PDE4D: variants seen among roughly 807,000 people sequenced by gnomAD.
PDE4D encodes phosphodiesterase 4D.
In PDE4D, 24 loss-of-function variants were observed where a neutral mutation model predicts 87.4. That is an observed-to-expected ratio of 0.27 (90% CI 0.20 to 0.39). The LOEUF (loss-of-function observed/expected upper bound fraction) is 0.39. Among genes scored for constraint, PDE4D ranks in the 10% least tolerant of loss-of-function variants. The pLI is 1.00. For missense variants in PDE4D, 714 were observed against 1,041.0 expected (o/e 0.69, Z 4.32); for synonymous variants, 384 against 383.2 (o/e 1.00, Z -0.02).
chr5:59,029,330 C>T (rs950282257), intron 6 of PDE4D, among the ~76,000 whole-genome samples: 11 of 141,018 alleles, frequency 7.8e-5, no homozygotes, highest in Admixed American at 3.8e-4. Context: ...GGCAGGAGAA[C>T]GGCGTGAACC....
At chr5:59,914,090 A>T (rs1044326325) in intron 3 of PDE4D, among the ~76,000 whole-genome samples, 3 of 152,220 alleles carry the variant, frequency 2.0e-5, no homozygotes, top group Non-Finnish European at 2.9e-5. Flanking sequence ...ACTTGTGCAA[A>T]CAGCTGTTAA....
At chr5:59,550,328 A>G (rs1817909540) in intron 1 of PDE4D, among the ~76,000 whole-genome samples, 1 of 152,136 alleles carries the variant, frequency 6.6e-6, no homozygotes, top group Admixed American at 6.5e-5. Context: ...GTTTTCCACT[A>G]TAATAAACAT....
chr5:60,273,862 T>A (rs575315135), intron 1 of PDE4D, among the ~76,000 whole-genome samples: 1 of 151,946 alleles, frequency 6.6e-6, no homozygotes, highest in South Asian at 2.1e-4. Context: ...AAAAAAAAAA[T>A]GTCCACTCAG....
chr5:59,600,504 T>C (rs1241637874), intron 1 of PDE4D, among the ~76,000 whole-genome samples: 2 of 152,192 alleles, frequency 1.3e-5, no homozygotes, highest in Non-Finnish European at 2.9e-5. Context: ...ATTCATGTTA[T>C]AAGACAGTAC....
At chr5:59,804,534 T>G (rs1232106563) in intron 1 of PDE4D, among the ~76,000 whole-genome samples, 1 of 149,308 alleles carries the variant, frequency 6.7e-6, no homozygotes, top group Non-Finnish European at 1.5e-5. Context: ...TACCCAGTAG[T>G]GGGTTAAACC....
At chr5:59,015,263 A>G (rs1037972047) in intron 6 of PDE4D, among the ~76,000 whole-genome samples, 1 of 152,002 alleles carries the variant, frequency 6.6e-6, no homozygotes, top group African/African-American at 2.4e-5. Flanking sequence ...AAGAGCCAAA[A>G]TTGACAAATG....
chr5:59,204,953 C>G (rs1748415946), intron 2 of PDE4D, among the ~76,000 whole-genome samples: 1 of 152,224 alleles, frequency 6.6e-6, no homozygotes, highest in Non-Finnish European at 1.5e-5. Flanking sequence ...CTACTAGGCA[C>G]CAGACACGGT....
chr5:59,721,777 T>C (rs111645050), intron 1 of PDE4D, among the ~76,000 whole-genome samples: 183 of 152,262 alleles, frequency 1.2e-3, no homozygotes, highest in African/African-American at 4.2e-3. Context: ...TATAAAGCAA[T>C]CCAAATTATT....
At chr5:60,373,405 G>T (rs532115234) in intron 1 of PDE4D, among the ~76,000 whole-genome samples, 1 of 152,094 alleles carries the variant, frequency 6.6e-6, no homozygotes, top group Non-Finnish European at 1.5e-5. Flanking sequence ...TTTACTCTAC[G>T]TGTATAGACC....
intron 3 of PDE4D, among the ~76,000 whole-genome samples, chr5:59,976,533 C>T (rs28427174): frequency 0.34 from 51,696 of 152,014 alleles, 10,931 homozygotes; most frequent in East Asian, 0.73. Flanking sequence ...TAAAAGCTTC[C>T]TGAAGCCTCA....
chr5:60,398,370 C>A lies in PDE4D; in HGVS notation c.-90+89572G>T, dbSNP rs374157943. ...CGGATCTGTTACTAGTTGGACAGAC[C>A]AACAGGCTTCTACCTTGGCCTGGTC... is the stretch of plus-strand genomic sequence containing the variant. On this transcript the variant is annotated intron_variant, in intron 1 of 16. Transcript: ENST00000502484. Among the ~76,000 whole-genome samples the A allele has an allele frequency of 3.3e-5, 5 of 152,146 alleles. No homozygotes were observed. The East Asian group carries it at 9.6e-4, about 29-fold the overall frequency.
intron 3 of PDE4D, among the ~76,000 whole-genome samples, chr5:59,973,046 G>C (rs993903279): frequency 3.9e-5 from 6 of 152,002 alleles, no homozygotes; most frequent in Admixed American, 6.6e-5. Flanking sequence ...TCCCACCATA[G>C]TTGCCAAAAC....
intron 5 of PDE4D, among the ~76,000 whole-genome samples, chr5:59,072,978 G>A (rs1765097101): frequency 6.6e-6 from 1 of 151,928 alleles, no homozygotes; most frequent in South Asian, 2.1e-4. Flanking sequence ...TGGAACAGAT[G>A]GAATGAAACT....
chr5:59,888,183 G>T (rs1012102829), intron 1 of PDE4D, among the ~76,000 whole-genome samples: 4 of 152,176 alleles, frequency 2.6e-5, no homozygotes, highest in Admixed American at 2.6e-4. Flanking sequence ...TGCTCCACAT[G>T]TGGGCAACTG....
At chr5:59,241,081 AT>A (rs1020862344) in intron 1 of PDE4D, among the ~76,000 whole-genome samples, 2 of 152,146 alleles carry the variant, frequency 1.3e-5, no homozygotes, top group African/African-American at 4.8e-5. Context: ...CATTTTTGTT[AT>A]TTTAAGGGAG....
chr5:59,732,899 T>TGGA (rs1757574686), intron 1 of PDE4D, among the ~76,000 whole-genome samples: 1 of 151,526 alleles, frequency 6.6e-6, no homozygotes, highest in African/African-American at 2.4e-5. Flanking sequence ...TTAATATTTA[T>TGGA]TAAGTGACTT....
chr5:60,106,582 T>C (rs1458662061), intron 2 of PDE4D, among the ~76,000 whole-genome samples: 2 of 151,032 alleles, frequency 1.3e-5, no homozygotes, highest in Non-Finnish European at 3.0e-5. Flanking sequence ...ACCACACCTA[T>C]TCCAAAATTG....
intron 1 of PDE4D, among the ~76,000 whole-genome samples, chr5:60,253,823 G>C (rs911870114): frequency 6.6e-6 from 1 of 151,880 alleles, no homozygotes; most frequent in African/African-American, 2.4e-5. Context: ...AAATGGGACT[G>C]TCGGTATTTC....
intron 1 of PDE4D, among the ~76,000 whole-genome samples, chr5:59,337,769 A>G (rs529130904): frequency 6.6e-6 from 1 of 152,296 alleles, no homozygotes. Flanking sequence ...AACATCTGGT[A>G]TGATTTCACA....
Sources: allele counts gnomAD v4.1 joint callset (sites outside exome capture counted in the v4.1 genomes callset), GRCh38; gene constraint gnomAD v4.1.1; transcripts MANE v1.5; gene names NCBI Gene and HGNC (gene_info 2026-07-23, HGNC 2026-07-21).